LRBA: variants seen among roughly 807,000 people sequenced by gnomAD.
LRBA encodes LPS responsive beige-like anchor protein.
Under a neutral mutation model 330.0 loss-of-function variants are expected in LRBA, and 176 were observed. The observed-to-expected ratio is 0.53, with a 90% CI of 0.47 to 0.60. The LOEUF (loss-of-function observed/expected upper bound fraction) is 0.60, where lower values mean the gene tolerates loss of function less well. Ranked by LOEUF, LRBA falls within the 20% of genes least tolerant of loss-of-function variation. The pLI, the probability that LRBA is intolerant of heterozygous loss-of-function variation, is 0.00. For missense variants in LRBA, 3,259 were observed against 3,444.8 expected (o/e 0.95, Z 1.35); for synonymous variants, 1,230 against 1,193.0 (o/e 1.03, Z -0.64).
intron 47 of LRBA, among the ~76,000 whole-genome samples, chr4:150,401,238 A>T (rs1043596834): frequency 1.3e-5 from 2 of 152,236 alleles, no homozygotes; most frequent in Non-Finnish European, 2.9e-5. Context: ...CCATGATCTC[A>T]GACTTAAAGC....
chr4:150,637,879 C>A (rs1055166392), intron 37 of LRBA, among the ~76,000 whole-genome samples: 2 of 152,096 alleles, frequency 1.3e-5, no homozygotes, highest in African/African-American at 4.8e-5. Context: ...AGCTGTTAAG[C>A]TTTAGAGTGA....
intron 37 of LRBA, among the ~76,000 whole-genome samples, chr4:150,666,678 CTG>C (rs981576133): frequency 3.9e-5 from 6 of 152,100 alleles, no homozygotes. Context: ...ACTTGAGCAT[CTG>C]TGGATTTTGG....
At chr4:150,863,030 G>A (rs1205998490) in intron 22 of LRBA, among the ~76,000 whole-genome samples, 1 of 151,790 alleles carries the variant, frequency 6.6e-6, no homozygotes, top group African/African-American at 2.4e-5. Flanking sequence ...CGGGTGTGTG[G>A]CTCATGCTTA....
At chr4:150,732,488 C>A (rs1327849228) in intron 36 of LRBA, among the ~76,000 whole-genome samples, 1 of 152,022 alleles carries the variant, frequency 6.6e-6, no homozygotes, top group Non-Finnish European at 1.5e-5. Context: ...TTTACTGTCT[C>A]TCAACCGAAG....
rs370120149 is a variant in LRBA, at chr4:150,758,378, A to T, written c.5645+3405T>A. 3.9e-5 allele frequency among the ~76,000 whole-genome samples: 6 copies of T among 152,184 alleles called. 1 individual carries two copies. Among genetic ancestry groups the T allele is most frequent in the African/African-American group, 9.7e-5 (4 of 41,450 alleles). ...TTTGGTATCTCTTCTTACAAGGCCAAAAATCTTAAGAGTGATGCCTGGCTT... is the reference window on the plus strand; with the variant it reads ...TTTGGTATCTCTTCTTACAAGGCCATAAATCTTAAGAGTGATGCCTGGCTT... On this transcript the variant is annotated intron_variant, in intron 35 of 56. Transcript: ENST00000651943.
intron 42 of LRBA, 132 bp downstream of exon 42, chr4:150,487,595 TAAAAC>T: frequency 2.3e-6 from 1 of 435,570 alleles, no homozygotes; most frequent in Non-Finnish European, 4.1e-6. Flanking sequence ...CTATGAAACA[TAAAAC>T]AGAAAGTTAT....
At chr4:150,779,298 T>A (rs970673212) in intron 34 of LRBA, among the ~76,000 whole-genome samples, 10 of 152,118 alleles carry the variant, frequency 6.6e-5, no homozygotes, top group African/African-American at 2.4e-4. Flanking sequence ...TACATATGTG[T>A]TTCTTTTTAA....
intron 40 of LRBA, among the ~76,000 whole-genome samples, chr4:150,587,322 T>G (rs1042478695): frequency 3.3e-5 from 5 of 152,168 alleles, no homozygotes; most frequent in African/African-American, 1.2e-4. Flanking sequence ...ATTCCACTTT[T>G]TAAGCCACCT....
chr4:150,307,648 G>A (rs1171565610), intron 52 of LRBA, among the ~76,000 whole-genome samples: 3 of 151,864 alleles, frequency 2.0e-5, no homozygotes, highest in Admixed American at 6.6e-5. Context: ...GCAGGCCGAC[G>A]CAGGAGGAGA....
intron 2 of LRBA, among the ~76,000 whole-genome samples, chr4:150,933,919 G>A (rs1734782400): frequency 6.6e-6 from 1 of 151,982 alleles, no homozygotes; most frequent in African/African-American, 2.4e-5. Context: ...CAGCTGCTTG[G>A]AGGCTGAGGT....
At chr4:150,901,930 T>C (rs1730773171) in intron 13 of LRBA, among the ~76,000 whole-genome samples, 1 of 152,162 alleles carries the variant, frequency 6.6e-6, no homozygotes, top group African/African-American at 2.4e-5. Flanking sequence ...TCTTAGCAAA[T>C]ATTTACATCT....
intron 33 of LRBA, among the ~76,000 whole-genome samples, chr4:150,801,028 T>A (rs1741536511): frequency 6.6e-6 from 1 of 152,158 alleles, no homozygotes; most frequent in South Asian, 2.1e-4. Flanking sequence ...ATCTAAATCC[T>A]CAAGTATACA....
At chr4:150,766,539 T>G (rs1735785167) in intron 34 of LRBA, among the ~76,000 whole-genome samples, 1 of 152,134 alleles carries the variant, frequency 6.6e-6, no homozygotes, top group Non-Finnish European at 1.5e-5. Context: ...CCTAAACCAT[T>G]TTTCTCCACT....
At chr4:150,717,038 G>A (rs1008055830) in intron 36 of LRBA, among the ~76,000 whole-genome samples, 2 of 152,094 alleles carry the variant, frequency 1.3e-5, no homozygotes, top group Non-Finnish European at 2.9e-5. Flanking sequence ...ATGACGTTAG[G>A]CCACATAGCA....
intron 37 of LRBA, among the ~76,000 whole-genome samples, chr4:150,653,900 G>A (rs570764482): frequency 6.6e-6 from 1 of 152,048 alleles, no homozygotes; most frequent in Non-Finnish European, 1.5e-5. Flanking sequence ...TGTCATTTTG[G>A]GAAAATTATT....
rs140922355 is a variant in LRBA, at chr4:150,546,703, C to T, written c.6330+41345G>A. On this transcript the variant is annotated intron_variant, in intron 40 of 56. Transcript: ENST00000651943. ...TTGAAAGAGAAAAGTTCTAGAGACA[C>T]TTTAGGAATAATAACACAGTAAAAT... Among the ~76,000 whole-genome samples, 145 of 152,226 alleles carry T rather than the reference C, an allele frequency of 9.5e-4. 3 individuals are homozygous for T. The East Asian group carries it at 0.027, about 28-fold the overall frequency.
chr4:150,320,696 A>T (rs1561009149), intron 50 of LRBA, among the ~76,000 whole-genome samples: 1 of 151,956 alleles, frequency 6.6e-6, no homozygotes, highest in Non-Finnish European at 1.5e-5. Context: ...AGTCCTAGCT[A>T]ATCAGGAGGC....
Position 150,425,539 on chromosome 4 carries a change from C to T in LRBA, c.7042-9949G>A, listed in dbSNP as rs1052455214. Among the ~76,000 whole-genome samples the T allele has an allele frequency of 7.2e-5, 11 of 152,170 alleles. 1 individual carries two copies. Among genetic ancestry groups the T allele is most frequent in the Non-Finnish European group, 1.6e-4 (11 of 68,012 alleles). On this transcript the variant is annotated intron_variant, in intron 46 of 56. Coordinates refer to ENST00000651943, the MANE Select transcript of LRBA (RefSeq NM_001364905.1). The stretch of plus-strand genomic sequence containing the variant: ...CTTTGATCACAAATCCCAAGGCTTT[C>T]ATGGCATAATGACAAGGATTGGTTG...
At position 150,321,405 on chromosome 4, in the gene LRBA, A is replaced by G. The variant is rs746533780; in HGVS notation, c.7453-37T>C. On this transcript the variant is annotated intron_variant, in intron 49 of 56. Transcript: ENST00000651943. The surrounding 1 kb of genome is among the most constrained non-coding windows in gnomAD (Gnocchi z 4.5). ...GATACTGTTGAGTGGGCATGACAAG[A>G]CCCAAATAGACAAGAAGGAAAAGAT... The G allele has an allele frequency of 4.0e-6, 6 of 1,496,656 alleles. No homozygotes were observed. The South Asian group carries it at 8.1e-5, about 20-fold the overall frequency. 92.7% of individuals were successfully genotyped at this position (1,496,656 alleles called of 1,614,324 possible).
Sources: allele counts gnomAD v4.1 joint callset (sites outside exome capture counted in the v4.1 genomes callset), GRCh38; gene constraint gnomAD v4.1.1; non-coding constraint Gnocchi (gnomAD v3.1); transcripts MANE v1.5; gene names NCBI Gene and HGNC (gene_info 2026-07-23, HGNC 2026-07-21).